Variants in MFSD6 observed in about 807,000 individuals in gnomAD.
MFSD6 encodes major facilitator superfamily domain-containing protein 6.
In MFSD6, 26 loss-of-function variants were observed where a neutral mutation model predicts 56.3. The ratio of observed to expected loss-of-function variants is 0.46; its 90% CI spans 0.34 to 0.64. The LOEUF (loss-of-function observed/expected upper bound fraction) is 0.64. Among genes scored for constraint, MFSD6 ranks in the 30% least tolerant of loss-of-function variants. MFSD6 has a pLI of 0.01. For synonymous variants in MFSD6, 331 were observed against 366.9 expected (o/e 0.90, Z 1.12); for missense variants, 750 against 986.2 (o/e 0.76, Z 3.21).
Position 190,418,475 on chromosome 2 carries a change from G to T in MFSD6, c.-54+3062G>T, listed in dbSNP as rs1160522846. Among the ~76,000 whole-genome samples the T allele has an allele frequency of 6.6e-6, 1 of 152,134 alleles. No individual in the cohort carries two copies. Among genetic ancestry groups the T allele is most frequent in the Non-Finnish European group, 1.5e-5 (1 of 68,022 alleles). On this transcript the variant is annotated intron_variant, in intron 2 of 7. Transcript: ENST00000392328. This position sits in a 1 kb window ranked among gnomAD's most constrained non-coding sequence, Gnocchi z 4.1. Reference sequence around the variant, plus strand: ...AAGGCCCACCAAGAATGACAAGGTGGTTGGGCACAGTGGCCCACACCTGTA... The same window carrying T: ...AAGGCCCACCAAGAATGACAAGGTGTTTGGGCACAGTGGCCCACACCTGTA...
chr2:190,473,453 C>A (rs1182833650), intron 4 of MFSD6, among the ~76,000 whole-genome samples: 6 of 152,060 alleles, frequency 3.9e-5, no homozygotes, highest in African/African-American at 1.2e-4. Context: ...TCTGATAAAA[C>A]AAACATCAGA....
In MFSD6 at chr2:190,412,807, C is replaced by T. The variant is rs1343180295; in HGVS notation, c.-175-2485C>T. Among the ~76,000 whole-genome samples, 4 of 152,142 alleles carry T rather than the reference C, an allele frequency of 2.6e-5. No homozygotes were observed. Reference sequence around the variant, plus strand: ...TTAGCCCCACTGCTGGATTCAGTAACATTTGCTTTGTAGCTGTTTTTGATT... The same window carrying T: ...TTAGCCCCACTGCTGGATTCAGTAATATTTGCTTTGTAGCTGTTTTTGATT... On this transcript the variant is annotated intron_variant, in intron 1 of 7. Coordinates refer to ENST00000392328, the MANE Select transcript of MFSD6 (RefSeq NM_017694.4). The surrounding 1 kb of genome is among the most constrained non-coding windows in gnomAD (Gnocchi z 4.1).
intron 1 of MFSD6, among the ~76,000 whole-genome samples, chr2:190,409,514 C>T (rs1690466101): frequency 6.6e-6 from 1 of 152,014 alleles, no homozygotes; most frequent in Non-Finnish European, 1.5e-5. Context: ...CTTCCTGAGC[C>T]CCAGTTTTCT....
rs1339714756 is a variant in MFSD6 at position 190,462,909 on chromosome 2, A to G, written c.1533-6849A>G. Among the ~76,000 whole-genome samples, 1 of 152,080 alleles carries G rather than the reference A, an allele frequency of 6.6e-6. No homozygotes were observed. Among genetic ancestry groups the G allele is most frequent in the Non-Finnish European group, 1.5e-5 (1 of 68,014 alleles). On this transcript the variant is annotated intron_variant, in intron 3 of 7. Coordinates refer to ENST00000392328, the MANE Select transcript of MFSD6 (RefSeq NM_017694.4). The surrounding 1 kb of genome is among the most constrained non-coding windows in gnomAD (Gnocchi z 5.7). ...CCTCTCCTCTCTGGCCACTCTTACC[A>G]CCATTCTAGCACTAGAGGAGGGTAC...
At position 190,491,573 on chromosome 2, in the gene MFSD6, C is replaced by T. The variant is rs548834471; in HGVS notation, c.1891+1707C>T. On this transcript the variant is annotated intron_variant, in intron 6 of 7. Coordinates refer to ENST00000392328, the MANE Select transcript of MFSD6 (RefSeq NM_017694.4). The surrounding 1 kb of genome is among the most constrained non-coding windows in gnomAD (Gnocchi z 4.2). ...AGAAGAGAAATGACAATCACTACAG[C>T]CTGGCTGTCAGGAAGCCACATCCCT... Among the ~76,000 whole-genome samples the T allele has an allele frequency of 1.3e-5, 2 of 152,310 alleles. No homozygotes were observed. The highest frequency in any genetic ancestry group is 4.8e-5 in the African/African-American group (2 of 41,564).
chr2:190,489,336 TAAC>T lies in MFSD6; in HGVS notation c.1793-431_1793-429del, dbSNP rs1689197054. Among the ~76,000 whole-genome samples the T allele has an allele frequency of 6.6e-6, 1 of 152,218 alleles. No individual in the cohort carries two copies. Among genetic ancestry groups the T allele is most frequent in the Admixed American group, 6.5e-5 (1 of 15,290 alleles). The stretch of plus-strand genomic sequence containing the variant: ...TGAGATTATTCTGCTCCAGGAATCT[TAAC>T]TACTCAGTCATCTATTAATATATAA... On this transcript the variant is annotated intron_variant, in intron 5 of 7. Coordinates refer to ENST00000392328, the MANE Select transcript of MFSD6 (RefSeq NM_017694.4). This position sits in a 1 kb window ranked among gnomAD's most constrained non-coding sequence, Gnocchi z 6.6.
At chr2:190,429,745 G>A (rs1018986739) in intron 2 of MFSD6, among the ~76,000 whole-genome samples, 1 of 151,738 alleles carries the variant, frequency 6.6e-6, no homozygotes, top group Admixed American at 6.6e-5. Flanking sequence ...TCTTCTAAAA[G>A]CTATGTTATT....
At chr2:190,484,667 C>T (rs779408322) in intron 4 of MFSD6, among the ~76,000 whole-genome samples, 17 of 152,142 alleles carry the variant, frequency 1.1e-4, no homozygotes, top group Non-Finnish European at 1.9e-4. Flanking sequence ...AGTTTATGAA[C>T]GAGAACTGCA....
At position 190,447,313 on chromosome 2, in the gene MFSD6, A is replaced by T. The variant is rs949551786; in HGVS notation, c.1532+9752A>T. 6.6e-6 allele frequency among the ~76,000 whole-genome samples: 1 copy of T among 152,178 alleles called. No individual in the cohort carries two copies. The highest frequency in any genetic ancestry group is 6.5e-5 in the Admixed American group (1 of 15,270). On this transcript the variant is annotated intron_variant, in intron 3 of 7. Coordinates refer to ENST00000392328, the MANE Select transcript of MFSD6 (RefSeq NM_017694.4). This position sits in a 1 kb window ranked among gnomAD's most constrained non-coding sequence, Gnocchi z 4.5. ...GGCAATGTTCTGTTAGACATGAGTG[A>T]TTGAGCGAAACTGTGAGGTTAGGTC...
Position 190,469,877 on chromosome 2 carries a change from A to C in MFSD6, c.1630+22A>C, listed in dbSNP as rs751035591. 1 of 1,530,398 alleles carries C rather than the reference A, an allele frequency of 6.5e-7. No homozygotes were observed. The highest frequency in any genetic ancestry group is 1.7e-5 in the Admixed American group (1 of 57,420). The allele number at this position is 1,530,398 out of a possible 1,614,324, so 94.8% of individuals were successfully genotyped here. On this transcript the variant is annotated intron_variant, in intron 4 of 7. Coordinates refer to ENST00000392328, the MANE Select transcript of MFSD6 (RefSeq NM_017694.4). The surrounding 1 kb of genome is among the most constrained non-coding windows in gnomAD (Gnocchi z 5.3). ...CAAGGTAAGTTAACAGCTGGGATTG[A>C]AATTATTTCTCTGCCTTCCCTGAGC...
intron 2 of MFSD6, among the ~76,000 whole-genome samples, chr2:190,432,318 A>G (rs1686031940): frequency 6.6e-6 from 1 of 152,234 alleles, no homozygotes; most frequent in Non-Finnish European, 1.5e-5. Context: ...AAGGCTCAGA[A>G]TCCAGGATGT....
rs191173080 is a variant in MFSD6 at position 190,480,484 on chromosome 2, T to G, written c.1631-8173T>G. On this transcript the variant is annotated intron_variant, in intron 4 of 7. Transcript: ENST00000392328. ...AAAATTTGAAAATTAAATTTAAAGC[T>G]GAACCTTCATTATGAAAGCTCTTCC... Among the ~76,000 whole-genome samples, 13 of 152,376 alleles carry G rather than the reference T, an allele frequency of 8.5e-5. No individual in the cohort carries two copies. In the East Asian group the frequency reaches 2.5e-3, roughly 29 times the overall value.
At chr2:190,408,197 CCGG>C (rs1318655238), upstream of MFSD6, among the ~76,000 whole-genome samples, 1 of 151,900 alleles carries the variant, frequency 6.6e-6, no homozygotes, top group Non-Finnish European at 1.5e-5. Context: ...CCGGTAGTGA[CCGG>C]CGGCGGCGAC....
chr2:190,448,571 A>T (rs1262026798), intron 3 of MFSD6, among the ~76,000 whole-genome samples: 1 of 152,220 alleles, frequency 6.6e-6, no homozygotes, highest in Admixed American at 6.5e-5. Flanking sequence ...TCAAAATAAT[A>T]CACAATTCAG....
rs901981222 is a variant in MFSD6, at chr2:190,426,646, G to C, written c.-53-9331G>C. The stretch of plus-strand genomic sequence containing the variant: ...TCCCCCTCCCATTCTCCCCACTTTT[G>C]GAGTCCCCAGTGTCTATTATTTCCA... On this transcript the variant is annotated intron_variant, in intron 2 of 7. Coordinates refer to ENST00000392328, the MANE Select transcript of MFSD6 (RefSeq NM_017694.4). This position sits in a 1 kb window ranked among gnomAD's most constrained non-coding sequence, Gnocchi z 4.7. Among the ~76,000 whole-genome samples, 9 of 151,984 alleles carry C rather than the reference G, an allele frequency of 5.9e-5. No homozygotes were observed. Among genetic ancestry groups the C allele is most frequent in the Non-Finnish European group, 1.3e-4 (9 of 67,982 alleles).
intron 4 of MFSD6, among the ~76,000 whole-genome samples, chr2:190,476,531 A>G (rs1473522191): frequency 3.9e-5 from 6 of 152,302 alleles, no homozygotes; most frequent in Admixed American, 3.9e-4. Context: ...TTAGAATGGC[A>G]ATCATTAAAA....
At position 190,488,527 on chromosome 2, in the gene MFSD6, A is replaced by G. The variant is rs1420419958; in HGVS notation, c.1631-130A>G. ...GTACATTTAAAAATGTGAAAATGGT[A>G]AATTTTTAATGTATGTTTTCCCACA... On this transcript the variant is annotated intron_variant, in intron 4 of 7. Coordinates refer to ENST00000392328, the MANE Select transcript of MFSD6 (RefSeq NM_017694.4). This position sits in a 1 kb window ranked among gnomAD's most constrained non-coding sequence, Gnocchi z 6.4. 2 of 882,648 alleles carry G rather than the reference A, an allele frequency of 2.3e-6. No homozygotes were observed. The highest frequency in any genetic ancestry group is 2.9e-5 in the East Asian group (1 of 34,240). 54.7% of individuals were successfully genotyped at this position (882,648 alleles called of 1,614,324 possible). A position where few individuals can be genotyped will look rare whatever the true frequency, so the allele number is the denominator to read the frequency against.
rs1159081530 is a variant in MFSD6 at position 190,408,400 on chromosome 2, C to G, written c.-279C>G. The G allele has an allele frequency of 1.3e-5, 2 of 150,416 alleles. No individual in the cohort carries two copies. The highest frequency in any genetic ancestry group is 1.3e-4 in the Admixed American group (2 of 15,044). The allele number at this position is 150,416 out of a possible 1,614,324, so 9.3% of individuals were successfully genotyped here. ...CGCGAGCAGCCCGGGATGGTGCGCGCTGCCCCGACAGCCGCCGCCCCGGCG... is the reference window on the plus strand; with the variant it reads ...CGCGAGCAGCCCGGGATGGTGCGCGGTGCCCCGACAGCCGCCGCCCCGGCG... On this transcript the variant is annotated 5_prime_UTR_variant, in exon 1 of 8. Coordinates refer to ENST00000392328, the MANE Select transcript of MFSD6 (RefSeq NM_017694.4).
In MFSD6 at chr2:190,433,744, T is replaced by C. The variant is rs1031316141; in HGVS notation, c.-53-2233T>C. 6.6e-6 allele frequency among the ~76,000 whole-genome samples: 1 copy of C among 152,226 alleles called. No individual in the cohort carries two copies. The highest frequency in any genetic ancestry group is 2.4e-5 in the African/African-American group (1 of 41,456). ...TTACACAGGTCTCCTTAAGTTGTGTTCCATTGTCTACCTAGGAGCTTTGTA... is the reference window on the plus strand; with the variant it reads ...TTACACAGGTCTCCTTAAGTTGTGTCCCATTGTCTACCTAGGAGCTTTGTA... On this transcript the variant is annotated intron_variant, in intron 2 of 7. Coordinates refer to ENST00000392328, the MANE Select transcript of MFSD6 (RefSeq NM_017694.4). The surrounding 1 kb of genome is among the most constrained non-coding windows in gnomAD (Gnocchi z 4.5).
Sources: gnomAD v4.1 joint callset for allele counts (sites outside exome capture counted in the v4.1 genomes callset) on GRCh38, gnomAD v4.1.1 for gene constraint, Gnocchi (gnomAD v3.1) non-coding constraint, MANE v1.5 for transcripts, NCBI Gene and HGNC (gene_info 2026-07-23, HGNC 2026-07-21) for gene names.